MED14: variants seen among roughly 807,000 people sequenced by gnomAD.
MED14 encodes mediator complex subunit 14.
A neutral mutation model predicts 109.0 loss-of-function variants in MED14; 8 were observed. That is an observed-to-expected ratio of 0.07 (90% confidence interval 0.04 to 0.13). The LOEUF is 0.13. Among genes scored for constraint, MED14 ranks in the 10% least tolerant of loss-of-function variants. The probability of loss-of-function intolerance (pLI) is 1.00; values close to 1 mark genes in which losing one functional copy is unlikely to be tolerated. For synonymous variants in MED14, 399 were observed against 408.7 expected (o/e 0.98, Z 0.29); for missense variants, 711 against 1,142.4 (o/e 0.62, Z 5.44).
Position 40,650,100 on chromosome X carries a change from G to C in MED14, c.*1706C>G. 1.3e-6 allele frequency: 1 copy of C among 753,464 alleles called. No individual in the cohort carries two copies. The highest frequency in any genetic ancestry group is 1.6e-6 in the Non-Finnish European group (1 of 638,533). The allele number at this position is 753,464 out of a possible 1,213,427, so 62.1% of individuals were successfully genotyped here. A position where few individuals can be genotyped will look rare whatever the true frequency, so the allele number is the denominator to read the frequency against. On this transcript the variant is annotated 3_prime_UTR_variant, in exon 31 of 31. Coordinates refer to ENST00000324817, the MANE Select transcript of MED14 (RefSeq NM_004229.4). ...AAAGATTCAGCTCCAAATAGAAAAG[G>C]GCTGACCCTTGATAAAGACATCTTA...
In MED14 at chrX:40,735,500, G is replaced by C. The variant is rs755399036; in HGVS notation, c.-88C>G. On this transcript the variant is annotated 5_prime_UTR_variant, in exon 1 of 31. Transcript: ENST00000324817. ...TCGGTCACCGCGCCGAAACGGGAGC[G>C]GGCAGAGTCGCCACCGCCTACCGCC... 9.0e-6 allele frequency: 8 copies of C among 887,656 alleles called. No homozygotes were observed. The highest frequency in any genetic ancestry group is 3.4e-4 in the Middle Eastern group (1 of 2,919). The allele number at this position is 887,656 out of a possible 1,213,427, so 73.2% of individuals were successfully genotyped here. A position where few individuals can be genotyped will look rare whatever the true frequency, so the allele number is the denominator to read the frequency against.
At chrX:40,697,370 T>A (rs1325626820) in intron 12 of MED14, among the ~76,000 whole-genome samples, 187 bp from the exon 13 acceptor site, 1 of 112,453 alleles carries the variant, frequency 8.9e-6, no homozygotes, top group East Asian at 2.8e-4. Context: ...TCAATTCTAG[T>A]TTTAGTTTAA....
chrX:40,679,847 A>T lies in MED14; in HGVS notation c.2880+17T>A. On this transcript the variant is annotated intron_variant, in intron 21 of 30. Transcript: ENST00000324817. ...AATTTTTATGTTTACTCATGTTATA[A>T]CACTAAAGTCTGTTACCTTTAGTCC... 1.7e-6 allele frequency: 2 copies of T among 1,203,194 alleles called. No individual in the cohort carries two copies. Among genetic ancestry groups the T allele is most frequent in the Non-Finnish European group, 2.3e-6 (2 of 888,742 alleles).
At chrX:40,699,577 G>C (rs1425442454) in intron 12 of MED14, among the ~76,000 whole-genome samples, 1 of 111,734 alleles carries the variant, frequency 8.9e-6, no homozygotes, top group Admixed American at 9.5e-5. Context: ...GTGAGTTAAA[G>C]GCTTTTGGAA....
chrX:40,704,502 C>T (rs932521008), intron 10 of MED14, among the ~76,000 whole-genome samples: 4 of 111,796 alleles, frequency 3.6e-5, no homozygotes, highest in African/African-American at 6.5e-5. Context: ...GCTTTTTTGT[C>T]AAACAAGGAA....
chrX:40,657,573 C>T (rs1929099688), intron 28 of MED14, among the ~76,000 whole-genome samples: 1 of 111,505 alleles, frequency 9.0e-6, no homozygotes, highest in Non-Finnish European at 1.9e-5. Flanking sequence ...TCTCCAGAAC[C>T]GTGAGAGAAT....
chrX:40,689,085 T>C (rs1930399737), intron 15 of MED14, among the ~76,000 whole-genome samples: 1 of 112,449 alleles, frequency 8.9e-6, no homozygotes, highest in Non-Finnish European at 1.9e-5. Context: ...AAAAGATAAA[T>C]GCAGAGATAG....
At chrX:40,694,785 T>C (rs1569289801) in intron 13 of MED14, among the ~76,000 whole-genome samples, 1 of 112,480 alleles carries the variant, frequency 8.9e-6, no homozygotes, top group Non-Finnish European at 1.9e-5. Context: ...TGGAAAACAG[T>C]TGGCAGTTTT....
intron 11 of MED14, among the ~76,000 whole-genome samples, chrX:40,702,164 A>G (rs1240553047): frequency 1.8e-5 from 2 of 111,405 alleles, no homozygotes; most frequent in Non-Finnish European, 3.8e-5. Flanking sequence ...GACAAAATAA[A>G]TTTCTGTTGT....
At position 40,651,476 on chromosome X, in the gene MED14, C is replaced by A; in HGVS notation, c.*330G>T. ...AAAACCAAAAAAGGACTATTACACC[C>A]AAAACATAAGAAAACAATTAAATAA... On this transcript the variant is annotated 3_prime_UTR_variant, in exon 31 of 31. Coordinates refer to ENST00000324817, the MANE Select transcript of MED14 (RefSeq NM_004229.4). The A allele has an allele frequency of 1.3e-6, 1 of 784,152 alleles. No homozygotes were observed. The highest frequency in any genetic ancestry group is 1.5e-6 in the Non-Finnish European group (1 of 655,945). The allele number at this position is 784,152 out of a possible 1,213,427, so 64.6% of individuals were successfully genotyped here. A position where few individuals can be genotyped will look rare whatever the true frequency, so the allele number is the denominator to read the frequency against.
rs1930395690 is a variant in MED14 at position 40,688,946 on chromosome X, TACA to T, written c.1981-419_1981-417del. The stretch of plus-strand genomic sequence containing the variant: ...TATTTCTAAATGATATTTTTTAGTT[TACA>T]ACATTTCTGAAATACATTTTTAAGA... On this transcript the variant is annotated intron_variant, in intron 15 of 30. Transcript: ENST00000324817. Among the ~76,000 whole-genome samples the T allele has an allele frequency of 3.6e-5, 4 of 112,583 alleles. No homozygotes were observed. The South Asian group carries it at 1.4e-3, about 41-fold the overall frequency.
intron 16 of MED14, among the ~76,000 whole-genome samples, chrX:40,683,209 T>C (rs920305894): frequency 8.9e-6 from 1 of 112,658 alleles, no homozygotes; most frequent in South Asian, 3.6e-4. Flanking sequence ...ACAGTGATGC[T>C]TGTCTTTATT....
intron 16 of MED14, among the ~76,000 whole-genome samples, chrX:40,684,079 T>C (rs1930217763): frequency 8.9e-6 from 1 of 112,045 alleles, no homozygotes; most frequent in Non-Finnish European, 1.9e-5. Context: ...ATATTTATAT[T>C]GAGGCAAAAA....
At chrX:40,662,746 A>G (rs749445477) in intron 26 of MED14, among the ~76,000 whole-genome samples, 179 bp downstream of exon 26, 173 of 112,130 alleles carry the variant, frequency 1.5e-3, no homozygotes, top group Non-Finnish European at 2.7e-3. Context: ...ATAAGAATGG[A>G]AAAGAAAATA....
At chrX:40,729,050 C>A (rs191060241) in intron 2 of MED14, among the ~76,000 whole-genome samples, 1 of 111,736 alleles carries the variant, frequency 8.9e-6, no homozygotes, top group East Asian at 2.8e-4. Context: ...CCTTCTTTAT[C>A]TTAATATCAC....
chrX:40,663,994 TA>T (rs1929385725), intron 25 of MED14, among the ~76,000 whole-genome samples: 1 of 110,754 alleles, frequency 9.0e-6, no homozygotes, highest in East Asian at 2.8e-4. Flanking sequence ...AGAGGGTTGG[TA>T]GTTTCAGCCC....
In MED14 at chrX:40,651,747, A is replaced by G; in HGVS notation, c.*59T>C. On this transcript the variant is annotated 3_prime_UTR_variant, in exon 31 of 31. Coordinates refer to ENST00000324817, the MANE Select transcript of MED14 (RefSeq NM_004229.4). The stretch of plus-strand genomic sequence containing the variant: ...TTTTCCTTTTTTAAACTGAAGGCTG[A>G]ATTCAGATTTTTTTTGTTGTCTCAT... 1 of 1,132,851 alleles carries G rather than the reference A, an allele frequency of 8.8e-7. No individual in the cohort carries two copies. The highest frequency in any genetic ancestry group is 2.3e-5 in the South Asian group (1 of 44,241). 93.4% of individuals were successfully genotyped at this position (1,132,851 alleles called of 1,213,427 possible).
chrX:40,674,595 C>T (rs746295194), intron 22 of MED14, among the ~76,000 whole-genome samples: 7 of 111,955 alleles, frequency 6.3e-5, no homozygotes, highest in African/African-American at 1.9e-4. Context: ...AAGACTCCGG[C>T]CCAGAGTCTA....
intron 23 of MED14, among the ~76,000 whole-genome samples, chrX:40,669,456 T>G (rs1482842761): frequency 9.0e-6 from 1 of 111,487 alleles, no homozygotes; most frequent in Non-Finnish European, 1.9e-5. Flanking sequence ...CAAGTCTTCA[T>G]CTGTGGTCCA....
Sources: gnomAD v4.1 joint callset for allele counts (sites outside exome capture counted in the v4.1 genomes callset) on GRCh38, gnomAD v4.1.1 for gene constraint, MANE v1.5 for transcripts, NCBI Gene and HGNC (gene_info 2026-07-23, HGNC 2026-07-21) for gene names.